The following PHF14 variants were observed in gnomAD, a reference collection of about 807,000 sequenced individuals.
PHF14 encodes PHD finger protein 14.
In PHF14, 55 loss-of-function variants were observed where a neutral mutation model predicts 117.9. The observed-to-expected ratio is 0.47, with a 90% confidence interval of 0.38 to 0.58. PHF14 has a LOEUF of 0.58. Ranked by LOEUF, PHF14 falls within the 20% of genes least tolerant of loss-of-function variation. The pLI is 0.00. For synonymous variants in PHF14, 409 were observed against 368.6 expected (o/e 1.11, Z -1.26); for missense variants, 978 against 1,122.2 (o/e 0.87, Z 1.84).
chr7:11,115,496 G>GT (rs1215597920), intron 17 of PHF14, among the ~76,000 whole-genome samples: 3 of 152,042 alleles, frequency 2.0e-5, no homozygotes, highest in Non-Finnish European at 2.9e-5. Flanking sequence ...TACTTAAGAT[G>GT]TTTTTTCTAT....
Position 11,062,082 on chromosome 7 carries a change from T to A in PHF14, c.2651T>A (p.Val884Asp). 6.2e-7 allele frequency: 1 copy of A among 1,606,280 alleles called. No homozygotes were observed. Among genetic ancestry groups the A allele is most frequent in the Non-Finnish European group, 8.5e-7 (1 of 1,176,210 alleles). Reference sequence around the variant, plus strand: ...GGAACTGGAGACAATGAAAATCTTGTCAGGTAAGTTGGATGCTAAAACCTT... The same window carrying A: ...GGAACTGGAGACAATGAAAATCTTGACAGGTAAGTTGGATGCTAAAACCTT... ...CKGTGDNENL[V>D]RCDECRLCYH... is the part of the protein sequence containing the mutation. The change falls in exon 16 of 18, where the codon GTC (valine) becomes GAC (aspartate). Residue 884 changes from valine to aspartate, a missense_variant. Coordinates refer to ENST00000634607, the MANE Select transcript of PHF14 (RefSeq NM_001007157.2).
At chr7:11,128,288 C>T (rs191039872) in intron 17 of PHF14, among the ~76,000 whole-genome samples, 1 of 151,956 alleles carries the variant, frequency 6.6e-6, no homozygotes, top group East Asian at 1.9e-4. Flanking sequence ...AGCAGACTTA[C>T]TTTTTCAAGA....
chr7:11,072,710 G>T (rs1264478005), intron 16 of PHF14, among the ~76,000 whole-genome samples: 1 of 149,760 alleles, frequency 6.7e-6, no homozygotes, highest in Non-Finnish European at 1.5e-5. Flanking sequence ...AAATACCTGA[G>T]GCTAGCTAAT....
At chr7:11,017,066 GC>G (rs1176690679) in intron 5 of PHF14, among the ~76,000 whole-genome samples, 4 of 152,110 alleles carry the variant, frequency 2.6e-5, no homozygotes, top group African/African-American at 9.7e-5. Context: ...CCAAGTTGTT[GC>G]AAATGACTGG....
At chr7:11,047,696 G>T (rs1256427875) in intron 13 of PHF14, among the ~76,000 whole-genome samples, 1 of 150,848 alleles carries the variant, frequency 6.6e-6, no homozygotes, top group African/African-American at 2.4e-5. Context: ...CTGAGGTAGA[G>T]AATTGCTTAA....
intron 17 of PHF14, among the ~76,000 whole-genome samples, chr7:11,140,319 T>G (rs1788365113): frequency 6.6e-6 from 1 of 152,100 alleles, no homozygotes; most frequent in Non-Finnish European, 1.5e-5. Context: ...ATTCTACCTA[T>G]TCAATTTCAG....
At chr7:11,032,798 A>G (rs1784166014) in intron 7 of PHF14, among the ~76,000 whole-genome samples, 1 of 152,176 alleles carries the variant, frequency 6.6e-6, no homozygotes, top group Non-Finnish European at 1.5e-5. Flanking sequence ...TTTGTATTTA[A>G]GGCCCTTGCC....
At chr7:11,072,537 T>A (rs1785650460) in intron 16 of PHF14, among the ~76,000 whole-genome samples, 1 of 152,218 alleles carries the variant, frequency 6.6e-6, no homozygotes, top group Non-Finnish European at 1.5e-5. Flanking sequence ...TAAACAATAG[T>A]ACCTACTCCA....
chr7:10,979,196 T>A (rs1479464707), intron 2 of PHF14, among the ~76,000 whole-genome samples: 1 of 152,160 alleles, frequency 6.6e-6, no homozygotes, highest in East Asian at 1.9e-4. Flanking sequence ...TAATTTTTAT[T>A]TTATTATTTG....
intron 14 of PHF14, among the ~76,000 whole-genome samples, chr7:11,054,292 A>AT (rs150177066): frequency 0.019 from 2,931 of 152,224 alleles, 83 homozygotes; most frequent in African/African-American, 0.067. Context: ...ATTAGAATTT[A>AT]GGGGTTTGAC....
intron 7 of PHF14, among the ~76,000 whole-genome samples, chr7:11,030,805 T>G (rs1347082665): frequency 6.6e-6 from 1 of 152,166 alleles, no homozygotes; most frequent in Non-Finnish European, 1.5e-5. Context: ...TGCTGTTGTT[T>G]TGGGGGGAAA....
chr7:11,072,367 C>A (rs1785642397), intron 16 of PHF14, among the ~76,000 whole-genome samples: 1 of 152,140 alleles, frequency 6.6e-6, no homozygotes, highest in South Asian at 2.1e-4. Context: ...CAGTCACCTC[C>A]CATCAGGTCC....
At chr7:11,135,641 A>G (rs1788198072) in intron 17 of PHF14, among the ~76,000 whole-genome samples, 1 of 152,146 alleles carries the variant, frequency 6.6e-6, no homozygotes, top group Admixed American at 6.6e-5. Flanking sequence ...TTAAGAAGCA[A>G]CAATTTCCTG....
chr7:10,985,638 GTTTTTTTTTTT>G (rs61250143), intron 3 of PHF14, among the ~76,000 whole-genome samples: 27 of 45,958 alleles, frequency 5.9e-4, no homozygotes, highest in East Asian at 1.5e-3. Flanking sequence ...TTCTCAAACT[GTTTTTTTTTTT>G]TTTTTTTTTT....
At chr7:11,030,561 A>G (rs1784085707) in intron 7 of PHF14, among the ~76,000 whole-genome samples, 1 of 152,184 alleles carries the variant, frequency 6.6e-6, no homozygotes, top group African/African-American at 2.4e-5. Flanking sequence ...AGGCATGCAA[A>G]TTAAATGAAA....
At chr7:11,088,991 A>G (rs1357328291) in intron 16 of PHF14, among the ~76,000 whole-genome samples, 1 of 152,170 alleles carries the variant, frequency 6.6e-6, no homozygotes, top group Non-Finnish European at 1.5e-5. Flanking sequence ...GAGTCTGAGT[A>G]AAGTAAAATC....
chr7:11,153,644 C>T (rs1034419338), intron 17 of PHF14, among the ~76,000 whole-genome samples: 3 of 151,986 alleles, frequency 2.0e-5, no homozygotes, highest in African/African-American at 7.3e-5. Context: ...CAGCATTAAA[C>T]AGAGGGAAAA....
At chr7:11,139,958 AACAGGCTGGTT>A (rs1251610061) in intron 17 of PHF14, among the ~76,000 whole-genome samples, 1 of 152,148 alleles carries the variant, frequency 6.6e-6, no homozygotes, top group African/African-American at 2.4e-5. Flanking sequence ...GACCCAGCCT[AACAGGCTGGTT>A]TGTTGGAGCA....
At chr7:11,053,491 C>G (rs55970254) in intron 14 of PHF14, among the ~76,000 whole-genome samples, 1 of 151,856 alleles carries the variant, frequency 6.6e-6, no homozygotes, top group Non-Finnish European at 1.5e-5. Context: ...GTTTCTATTT[C>G]TAAAATATTT....
Sources: allele counts gnomAD v4.1 joint callset (sites outside exome capture counted in the v4.1 genomes callset), GRCh38; gene constraint gnomAD v4.1.1; transcripts MANE v1.5; gene names NCBI Gene and HGNC (gene_info 2026-07-23, HGNC 2026-07-21).